Variants in NTN4 observed in about 807,000 individuals in gnomAD.
NTN4 encodes the protein netrin-4.
NTN4 carries 32 observed loss-of-function variants against 73.6 expected under a neutral mutation model. The observed-to-expected ratio is 0.44, with a 90% CI of 0.33 to 0.58. The LOEUF (loss-of-function observed/expected upper bound fraction) is 0.58, where lower values mean the gene tolerates loss of function less well. Ranked by LOEUF, NTN4 falls within the 20% of genes least tolerant of loss-of-function variation. NTN4 has a pLI of 0.04. For synonymous variants in NTN4, 258 were observed against 287.5 expected (o/e 0.90, Z 1.04); for missense variants, 654 against 798.3 (o/e 0.82, Z 2.18).
intron 3 of NTN4, among the ~76,000 whole-genome samples, chr12:95,719,687 GT>G (rs1417023987): frequency 6.6e-6 from 1 of 152,140 alleles, no homozygotes; most frequent in East Asian, 1.9e-4. Context: ...ATAAAAACAT[GT>G]TTTTTCATTA....
chr12:95,742,327 C>G (rs925430739), intron 2 of NTN4, among the ~76,000 whole-genome samples: 1 of 149,416 alleles, frequency 6.7e-6, no homozygotes, highest in African/African-American at 2.5e-5. Context: ...AACCCCATCT[C>G]TACTAAAAAT....
At chr12:95,701,313 C>T (rs935211651) in intron 5 of NTN4, among the ~76,000 whole-genome samples, 3 of 152,158 alleles carry the variant, frequency 2.0e-5, no homozygotes, top group Non-Finnish European at 2.9e-5. Context: ...GCCTGAGCAA[C>T]GAGTCACTTT....
At chr12:95,660,441 T>A (rs979396928) in intron 9 of NTN4, among the ~76,000 whole-genome samples, 3 of 152,084 alleles carry the variant, frequency 2.0e-5, no homozygotes, top group African/African-American at 7.3e-5. Flanking sequence ...GATGTTTGTT[T>A]GTCATACATT....
At chr12:95,755,829 C>T (rs1039656840) in intron 2 of NTN4, among the ~76,000 whole-genome samples, 1 of 152,162 alleles carries the variant, frequency 6.6e-6, no homozygotes, top group African/African-American at 2.4e-5. Flanking sequence ...AGGGAAATGA[C>T]AGAACTGTAA....
chr12:95,725,006 AT>A (rs1555217818), intron 3 of NTN4, among the ~76,000 whole-genome samples: 3,500 of 135,794 alleles, frequency 0.026, 62 homozygotes, highest in East Asian at 0.075. Flanking sequence ...TGTCATCAGG[AT>A]TTTTTTTTTT....
chr12:95,718,428 T>C (rs543741805), intron 3 of NTN4, among the ~76,000 whole-genome samples: 1 of 152,290 alleles, frequency 6.6e-6, no homozygotes, highest in East Asian at 1.9e-4. Context: ...CCAAGATTGT[T>C]GTAGAATATT....
rs112220305 is a variant in NTN4, at chr12:95,697,265, T to C, written c.1180+13176A>G. On this transcript the variant is annotated intron_variant, in intron 5 of 9. Transcript: ENST00000343702. ...CCTTTCACTGGCAGCAAAATTTCTT[T>C]CACATTAATCAATCTGAAATTCCTT... Among the ~76,000 whole-genome samples, 12 of 152,310 alleles carry C rather than the reference T, an allele frequency of 7.9e-5. 1 individual carries two copies. The highest frequency in any genetic ancestry group is 2.9e-4 in the African/African-American group (12 of 41,562).
In NTN4 at chr12:95,670,122, G is replaced by A. The variant is rs370293198; in HGVS notation, c.1535C>T (p.Thr512Ile). Residue 512 changes from threonine to isoleucine, a missense_variant, in exon 8 of 10, where the codon ACA becomes ATA. Thr to Ile is a moderately conservative substitution (Grantham distance 89, BLOSUM62 -1). Transcript: ENST00000343702. ...HSGKCECKEQ[T>I]LGNAKAFCGM... ...ACAGAATGCCTTGGCATTTCCTAAT[G>A]TCTGTTCCTTACATTCGCATTTACC... 69 of 1,597,238 alleles carry A rather than the reference G, an allele frequency of 4.3e-5. No individual in the cohort carries two copies. Among genetic ancestry groups the A allele is most frequent in the Non-Finnish European group, 5.5e-5 (64 of 1,170,046 alleles).
chr12:95,787,571 T>C (rs2079178976), intron 1 of NTN4, 103 bp from the exon 2 acceptor site: 1 of 1,126,558 alleles, frequency 8.9e-7, no homozygotes, highest in African/African-American at 1.6e-5. Context: ...CAAAAGCGCT[T>C]GAGACTTTCG....
In NTN4 at chr12:95,658,317, A is replaced by G. The variant is rs2078107738; in HGVS notation, c.*769T>C. The G allele has an allele frequency of 6.6e-6, 1 of 152,196 alleles. No homozygotes were observed. The highest frequency in any genetic ancestry group is 2.4e-5 in the African/African-American group (1 of 41,446). The allele number at this position is 152,196 out of a possible 1,614,324, so 9.4% of individuals were successfully genotyped here. ...CTGGTTTAGTTTTTTAAAAAGTTTC[A>G]TCATGGCTGTCATCTTGGAATCTAG... On this transcript the variant is annotated 3_prime_UTR_variant, in exon 10 of 10. Transcript: ENST00000343702.
At chr12:95,744,613 A>G (rs1447179640) in intron 2 of NTN4, among the ~76,000 whole-genome samples, 1 of 152,188 alleles carries the variant, frequency 6.6e-6, no homozygotes, top group East Asian at 1.9e-4. Flanking sequence ...CTCTATGTAT[A>G]TGTTATAAGC....
At chr12:95,772,576 C>T (rs2079065065) in intron 2 of NTN4, among the ~76,000 whole-genome samples, 1 of 152,226 alleles carries the variant, frequency 6.6e-6, no homozygotes, top group Non-Finnish European at 1.5e-5. Flanking sequence ...AAAGGCAACT[C>T]ATACTTAACG....
At chr12:95,662,625 T>G (rs1043587169) in intron 9 of NTN4, among the ~76,000 whole-genome samples, 3 of 151,750 alleles carry the variant, frequency 2.0e-5, no homozygotes, top group African/African-American at 7.3e-5. Flanking sequence ...CACAGAGAGG[T>G]TTCAAACACT....
intron 3 of NTN4, among the ~76,000 whole-genome samples, chr12:95,725,006 A>AGGATTTGTTTTT (rs1454896864): frequency 5.2e-5 from 7 of 135,840 alleles, no homozygotes; most frequent in Non-Finnish European, 9.6e-5. Flanking sequence ...TGTCATCAGG[A>AGGATTTGTTTTT]TTTTTTTTTT....
At chr12:95,708,508 C>T (rs1034604112) in intron 5 of NTN4, among the ~76,000 whole-genome samples, 25 of 152,018 alleles carry the variant, frequency 1.6e-4, no homozygotes, top group African/African-American at 5.1e-4. Flanking sequence ...AGGATGGTCT[C>T]GGTCTCCCAA....
chr12:95,720,427 T>C (rs970866879), intron 3 of NTN4, among the ~76,000 whole-genome samples: 4 of 152,184 alleles, frequency 2.6e-5, no homozygotes, highest in African/African-American at 9.7e-5. Context: ...TCATACATTA[T>C]CCGCCTCTCT....
intron 2 of NTN4, among the ~76,000 whole-genome samples, chr12:95,762,292 G>C (rs1325439495): frequency 6.6e-6 from 1 of 152,168 alleles, no homozygotes; most frequent in Non-Finnish European, 1.5e-5. Flanking sequence ...CTACCAAACA[G>C]ACTTCAAAGG....
intron 5 of NTN4, among the ~76,000 whole-genome samples, chr12:95,684,325 G>A (rs147982090): frequency 1.3e-5 from 2 of 150,974 alleles, no homozygotes; most frequent in East Asian, 3.9e-4. Flanking sequence ...TTGAGAGAGG[G>A]TCTCACTCTA....
At chr12:95,750,631 T>G in intron 2 of NTN4, among the ~76,000 whole-genome samples, 1 of 152,202 alleles carries the variant, frequency 6.6e-6, no homozygotes, top group Non-Finnish European at 1.5e-5. Flanking sequence ...TCCTAGCCTC[T>G]GTGCCCAGTG....
Sources: gnomAD v4.1 joint callset for allele counts (sites outside exome capture counted in the v4.1 genomes callset) on GRCh38, gnomAD v4.1.1 for gene constraint, MANE v1.5 for transcripts, NCBI Gene and HGNC (gene_info 2026-07-23, HGNC 2026-07-21) for gene names.